The following THSD4 variants were observed in gnomAD, a reference collection of about 807,000 sequenced individuals.
The protein encoded by THSD4 is thrombospondin type-1 domain-containing protein 4.
THSD4 carries 69 observed loss-of-function variants against 119.0 expected under a neutral mutation model. The ratio of observed to expected loss-of-function variants is 0.58; its 90% CI spans 0.48 to 0.71. The LOEUF (loss-of-function observed/expected upper bound fraction) is 0.71. Among genes scored for constraint, THSD4 ranks in the 30% least tolerant of loss-of-function variants. The pLI, the probability that THSD4 is intolerant of heterozygous loss-of-function variation, is 0.00. For synonymous variants in THSD4, 524 were observed against 540.4 expected (o/e 0.97, Z 0.42); for missense variants, 1,393 against 1,391.1 (o/e 1.00, Z -0.02).
Position 71,269,364 on chromosome 15 carries a change from A to G in THSD4, c.1015+12649A>G, listed in dbSNP as rs2044503180. Among the ~76,000 whole-genome samples the G allele has an allele frequency of 2.0e-5, 3 of 152,218 alleles. No individual in the cohort carries two copies. In the South Asian group the frequency reaches 6.2e-4, roughly 32 times the overall value. ...TGACAAAAACCACATGATTATCTCA[A>G]CAGATGCAGAAAAGGCCCTTGATAA... On this transcript the variant is annotated intron_variant, in intron 6 of 17. Coordinates refer to ENST00000261862, the MANE Select transcript of THSD4 (RefSeq NM_024817.3).
At chr15:71,301,268 T>A (rs528943455) in intron 6 of THSD4, among the ~76,000 whole-genome samples, 1 of 152,376 alleles carries the variant, frequency 6.6e-6, no homozygotes, top group South Asian at 2.1e-4. Context: ...TATATAATGT[T>A]GCTTAATCTG....
chr15:71,365,411 C>T (rs1287376793), intron 6 of THSD4, among the ~76,000 whole-genome samples: 1 of 152,008 alleles, frequency 6.6e-6, no homozygotes, highest in Non-Finnish European at 1.5e-5. Flanking sequence ...GGAGCCTAAC[C>T]CCAGGGCACC....
chr15:71,143,473 G>A (rs1182231806), intron 2 of THSD4, among the ~76,000 whole-genome samples: 1 of 151,932 alleles, frequency 6.6e-6, no homozygotes, highest in African/African-American at 2.4e-5. Flanking sequence ...GTCACAGTCG[G>A]TTATTGAACT....
rs28544247 is a variant in THSD4 at position 71,596,742 on chromosome 15, G to C, written c.1153-63788G>C. Among the ~76,000 whole-genome samples the C allele has an allele frequency of 3.9e-3, 591 of 152,328 alleles. 6 individuals carry two copies. Among genetic ancestry groups the C allele is most frequent in the African/African-American group, 0.013 (559 of 41,564 alleles). On this transcript the variant is annotated intron_variant, in intron 7 of 17. Coordinates refer to ENST00000261862, the MANE Select transcript of THSD4 (RefSeq NM_024817.3). ...GTTTGTTTCCCCTTCTACATGGTAG[G>C]GTTAGAATCCTGCGGGCCTCCTGGC...
chr15:71,208,820 C>T (rs116489170), intron 3 of THSD4, among the ~76,000 whole-genome samples: 2,490 of 152,180 alleles, frequency 0.016, 31 homozygotes, highest in African/African-American at 0.031. Context: ...CTCTGGATGT[C>T]GTTTCTGTTT....
intron 7 of THSD4, among the ~76,000 whole-genome samples, chr15:71,657,999 G>A (rs559275497): frequency 2.0e-5 from 3 of 152,092 alleles, no homozygotes; most frequent in Non-Finnish European, 2.9e-5. Flanking sequence ...TTAATGTGAC[G>A]TCTGTCCCAT....
chr15:71,371,894 T>A (rs1361228622), intron 6 of THSD4, among the ~76,000 whole-genome samples: 1 of 152,212 alleles, frequency 6.6e-6, no homozygotes, highest in African/African-American at 2.4e-5. Context: ...GGTTCCATTC[T>A]CCCCATCACT....
chr15:71,576,518 A>G (rs937475080), intron 7 of THSD4, among the ~76,000 whole-genome samples: 1 of 152,216 alleles, frequency 6.6e-6, no homozygotes, highest in Admixed American at 6.6e-5. Context: ...CTTAGCTTTT[A>G]TGAAAGATGA....
At chr15:71,421,310 T>TAC (rs1320586361) in intron 7 of THSD4, among the ~76,000 whole-genome samples, 10 of 146,918 alleles carry the variant, frequency 6.8e-5, no homozygotes, top group Admixed American at 6.5e-4. Flanking sequence ...ATTTTCTTTC[T>TAC]AGTCTCTTTC....
chr15:71,496,715 T>C (rs2048022981), intron 7 of THSD4, among the ~76,000 whole-genome samples: 1 of 152,168 alleles, frequency 6.6e-6, no homozygotes. Flanking sequence ...GGCACAATGA[T>C]GCTTGGAATA....
intron 7 of THSD4, among the ~76,000 whole-genome samples, chr15:71,592,727 G>C (rs1226060675): frequency 6.6e-6 from 1 of 152,048 alleles, no homozygotes; most frequent in Non-Finnish European, 1.5e-5. Context: ...AACGTAGCCT[G>C]CCTCTAGGTT....
At chr15:71,224,171 C>T (rs1453021533) in intron 4 of THSD4, among the ~76,000 whole-genome samples, 10 of 152,092 alleles carry the variant, frequency 6.6e-5, no homozygotes, top group Non-Finnish European at 2.9e-5. Context: ...GGGTGGAGAC[C>T]TGGAGGCATG....
At position 71,471,328 on chromosome 15, in the gene THSD4, G is replaced by C. The variant is rs75525307; in HGVS notation, c.1152+59505G>C. Reference sequence around the variant, plus strand: ...AGACTCATGGAGGGGAGGGACAGGTGACAGAGTTTCCAGAATGTCTGTGCC... The same window carrying C: ...AGACTCATGGAGGGGAGGGACAGGTCACAGAGTTTCCAGAATGTCTGTGCC... On this transcript the variant is annotated intron_variant, in intron 7 of 17. Transcript: ENST00000261862. Among the ~76,000 whole-genome samples, 5 of 152,158 alleles carry C rather than the reference G, an allele frequency of 3.3e-5. No homozygotes were observed. The South Asian group carries it at 1.0e-3, about 32-fold the overall frequency.
intron 8 of THSD4, among the ~76,000 whole-genome samples, chr15:71,678,914 T>C (rs1567096576): frequency 6.6e-6 from 1 of 152,228 alleles, no homozygotes; most frequent in Non-Finnish European, 1.5e-5. Context: ...ATATTTGTTA[T>C]GCTTTGGGGG....
intron 7 of THSD4, among the ~76,000 whole-genome samples, chr15:71,535,728 G>C (rs2048681032): frequency 6.6e-6 from 1 of 152,112 alleles, no homozygotes; most frequent in Admixed American, 6.6e-5. Context: ...CCATTTGTAT[G>C]TTTTTTCCTG....
At chr15:71,199,915 G>GTAT (rs2043785039) in intron 3 of THSD4, among the ~76,000 whole-genome samples, 2 of 73,100 alleles carry the variant, frequency 2.7e-5, no homozygotes, top group Non-Finnish European at 6.7e-5. Flanking sequence ...TGCATGTGTG[G>GTAT]GGTGTGTGTG....
At chr15:71,207,402 C>G (rs1309040043) in intron 3 of THSD4, among the ~76,000 whole-genome samples, 1 of 152,254 alleles carries the variant, frequency 6.6e-6, no homozygotes, top group Non-Finnish European at 1.5e-5. Flanking sequence ...TCCAGACCAC[C>G]TCCCTCTTCC....
At chr15:71,580,805 T>C (rs2049543917) in intron 7 of THSD4, among the ~76,000 whole-genome samples, 1 of 152,208 alleles carries the variant, frequency 6.6e-6, no homozygotes. Flanking sequence ...ATTCATGTTA[T>C]TGCAAATGGC....
chr15:71,636,156 T>C (rs1044492741), intron 7 of THSD4, among the ~76,000 whole-genome samples: 11 of 152,202 alleles, frequency 7.2e-5, no homozygotes, highest in African/African-American at 2.7e-4. Flanking sequence ...GCGCAGTGGC[T>C]CACACCTATA....
Sources: gnomAD v4.1 joint callset for allele counts (sites outside exome capture counted in the v4.1 genomes callset) on GRCh38, gnomAD v4.1.1 for gene constraint, MANE v1.5 for transcripts, NCBI Gene and HGNC (gene_info 2026-07-23, HGNC 2026-07-21) for gene names.